GLIS3: variants seen among roughly 807,000 people sequenced by gnomAD.
GLIS3 encodes zinc finger protein GLIS3.
GLIS3 carries 53 observed loss-of-function variants against 78.6 expected under a neutral mutation model. That is an observed-to-expected ratio of 0.67 (90% confidence interval 0.54 to 0.85). The LOEUF is 0.85. Ranked by LOEUF, GLIS3 falls within the 40% of genes least tolerant of loss-of-function variation. The pLI is 0.00. For missense variants in GLIS3, 1,703 were observed against 1,231.1 expected, an observed-to-expected ratio of 1.38 and a Z score of -5.74; for synonymous variants, 684 against 509.9, an observed-to-expected ratio of 1.34 and a Z score of -4.60.
intron 4 of GLIS3, among the ~76,000 whole-genome samples, chr9:3,947,390 A>G (rs181028525): frequency 6.6e-6 from 1 of 152,392 alleles, no homozygotes; most frequent in Admixed American, 6.5e-5. Context: ...GCTAACATAC[A>G]TACAGCAACA....
At chr9:4,348,598 T>C (rs1237076637), upstream of GLIS3, among the ~76,000 whole-genome samples, 3 of 152,248 alleles carry the variant, frequency 2.0e-5, no homozygotes, top group South Asian at 2.1e-4. Flanking sequence ...TAGTCCCATT[T>C]AAATATGGGT....
chr9:3,855,548 A>G, intron 9 of GLIS3: 1 of 231,444 alleles, frequency 4.3e-6, no homozygotes. Flanking sequence ...GCCTGGAGAG[A>G]TGACATCAGC....
rs745905864 is a variant in GLIS3, at chr9:4,149,245, G to T, written c.389-23304C>A. Reference sequence around the variant, plus strand: ...AGGAGGATGCCTAGCTCTATTCCCAGATTAACTCATTTAGCTCCCACAACA... The same window carrying T: ...AGGAGGATGCCTAGCTCTATTCCCATATTAACTCATTTAGCTCCCACAACA... On this transcript the variant is annotated intron_variant, in intron 2 of 10. Coordinates refer to ENST00000381971, the MANE Select transcript of GLIS3 (RefSeq NM_001042413.2). Among the ~76,000 whole-genome samples, 3 of 152,156 alleles carry T rather than the reference G, an allele frequency of 2.0e-5. No homozygotes were observed. In the East Asian group the frequency reaches 5.8e-4, roughly 29 times the overall value.
At chr9:4,217,262 C>T (rs1318381447) in intron 2 of GLIS3, among the ~76,000 whole-genome samples, 1 of 152,190 alleles carries the variant, frequency 6.6e-6, no homozygotes, top group Non-Finnish European at 1.5e-5. Context: ...CATGTGCACT[C>T]ATTCATTCAG....
At chr9:4,180,332 A>G (rs538921879) in intron 2 of GLIS3, among the ~76,000 whole-genome samples, 1 of 152,290 alleles carries the variant, frequency 6.6e-6, no homozygotes, top group Admixed American at 6.5e-5. Flanking sequence ...TCACCAATTT[A>G]GTCGCAAGAG....
upstream of GLIS3, among the ~76,000 whole-genome samples, chr9:4,303,849 C>A (rs927484419): frequency 3.3e-5 from 5 of 152,196 alleles, no homozygotes; most frequent in Admixed American, 6.5e-5. Context: ...AACATAAATT[C>A]ATAGATAAAT....
intron 2 of GLIS3, among the ~76,000 whole-genome samples, chr9:4,139,187 A>G (rs1452285936): frequency 6.6e-6 from 1 of 152,134 alleles, no homozygotes; most frequent in Non-Finnish European, 1.5e-5. Flanking sequence ...ATATCTCTCA[A>G]CCTGCTTTTT....
chr9:4,474,381 G>A, the GLIS3 span, among the ~76,000 whole-genome samples: 1 of 151,998 alleles, frequency 6.6e-6, no homozygotes, highest in Non-Finnish European at 1.5e-5. Flanking sequence ...AACCCTAGAC[G>A]CAGACACACA....
chr9:4,375,136 T>C, the GLIS3 span, among the ~76,000 whole-genome samples: 1 of 152,160 alleles, frequency 6.6e-6, no homozygotes, highest in Non-Finnish European at 1.5e-5. Context: ...CATTTCCCAC[T>C]TTGCAAAAAT....
At chr9:4,356,046 C>G in the GLIS3 span, among the ~76,000 whole-genome samples, 1 of 152,180 alleles carries the variant, frequency 6.6e-6, no homozygotes, top group Non-Finnish European at 1.5e-5. Flanking sequence ...AATATATTTT[C>G]CAGCCCCAGC....
intron 4 of GLIS3, among the ~76,000 whole-genome samples, chr9:4,056,071 T>A (rs887345101): frequency 6.6e-6 from 1 of 152,222 alleles, no homozygotes; most frequent in Admixed American, 6.5e-5. Context: ...CAGCTATGTC[T>A]GTCCCTATTG....
At chr9:4,168,245 C>G (rs996170905) in intron 2 of GLIS3, among the ~76,000 whole-genome samples, 6 of 152,054 alleles carry the variant, frequency 3.9e-5, no homozygotes, top group Admixed American at 1.3e-4. Flanking sequence ...GACTAGCTCT[C>G]TGTTGTAAAT....
the GLIS3 span, among the ~76,000 whole-genome samples, chr9:4,480,638 A>G: frequency 1.1e-4 from 16 of 152,190 alleles, no homozygotes; most frequent in African/African-American, 3.9e-4. Flanking sequence ...GTAACAAATC[A>G]TAATATCCTC....
chr9:4,472,827 A>G, the GLIS3 span, among the ~76,000 whole-genome samples: 1 of 152,328 alleles, frequency 6.6e-6, no homozygotes, highest in Non-Finnish European at 1.5e-5. Flanking sequence ...CAGAAATTAT[A>G]TATAATTATT....
At chr9:4,182,503 C>A (rs886868658) in intron 2 of GLIS3, among the ~76,000 whole-genome samples, 5 of 152,134 alleles carry the variant, frequency 3.3e-5, no homozygotes, top group Admixed American at 6.5e-5. Context: ...CAGTATAGGG[C>A]AGAGGTTGAA....
the GLIS3 span, among the ~76,000 whole-genome samples, chr9:4,421,761 A>G: frequency 1.3e-5 from 2 of 152,358 alleles, no homozygotes. Context: ...ACAAATATGT[A>G]AAGAGTACCA....
In GLIS3 at chr9:4,118,134, C is replaced by T. The variant is rs1831844013; in HGVS notation, c.1344G>A (p.Pro448=). 2 of 1,546,634 alleles carry T rather than the reference C, an allele frequency of 1.3e-6. No individual in the cohort carries two copies. The highest frequency in any genetic ancestry group is 8.7e-7 in the Non-Finnish European group (1 of 1,145,632). ...CTGGGGGCGGCGGCAGAGGAGGGAG[C>T]GGAGGCGCGGGGGGTAGGTCTACGG... The part of the protein sequence containing the change: ...GSTVDLPPAP[P]LPPLPPPPGP... Residue 448 remains proline (P), a synonymous_variant, in exon 4 of 11, where the codon CCG becomes CCA. Coordinates refer to ENST00000381971, the MANE Select transcript of GLIS3 (RefSeq NM_001042413.2). The surrounding 1 kb of genome is among the most constrained non-coding windows in gnomAD (Gnocchi z 4.7).
chr9:3,887,124 C>CT (rs1394756978), intron 7 of GLIS3, among the ~76,000 whole-genome samples: 17 of 152,022 alleles, frequency 1.1e-4, no homozygotes, highest in Admixed American at 1.1e-3. Context: ...TTCTGCCTGT[C>CT]TTTTTTTTCC....
the GLIS3 span, among the ~76,000 whole-genome samples, chr9:4,453,730 G>C: frequency 5.3e-5 from 8 of 152,084 alleles, no homozygotes; most frequent in East Asian, 1.9e-4. Context: ...CCATCATTCT[G>C]AGCAAAGTAT....
Sources: allele counts gnomAD v4.1 joint callset (sites outside exome capture counted in the v4.1 genomes callset), GRCh38; gene constraint gnomAD v4.1.1; non-coding constraint Gnocchi (gnomAD v3.1); transcripts MANE v1.5; gene names NCBI Gene and HGNC (gene_info 2026-07-23, HGNC 2026-07-21).